Variants in MBP observed in about 807,000 individuals in gnomAD.
The protein encoded by MBP is myelin basic protein, also known as Golli-MBP.
MBP carries 16 observed loss-of-function variants against 35.8 expected under a neutral mutation model. The ratio of observed to expected loss-of-function variants is 0.45; its 90% confidence interval spans 0.30 to 0.68. MBP has a LOEUF of 0.68. Ranked by LOEUF, MBP falls within the 30% of genes least tolerant of loss-of-function variation. The probability of loss-of-function intolerance (pLI) is 0.08; values close to 1 mark genes in which losing one functional copy is unlikely to be tolerated. For missense variants in MBP, 380 were observed against 404.7 expected, an observed-to-expected ratio of 0.94 and a Z score of 0.52; for synonymous variants, 143 against 159.6, an observed-to-expected ratio of 0.90 and a Z score of 0.78.
At chr18:77,066,643 A>G in intron 2 of MBP, 2 of 685,270 alleles carry the variant, frequency 2.9e-6, no homozygotes, top group Non-Finnish European at 5.4e-6. Flanking sequence ...AAATTGGAAT[A>G]TCAGCCTAGG....
At chr18:77,066,877 G>A (rs1444233717) in intron 2 of MBP, among the ~76,000 whole-genome samples, 3 of 152,226 alleles carry the variant, frequency 2.0e-5, no homozygotes, top group Non-Finnish European at 4.4e-5. Context: ...TTGCATTCCA[G>A]GGGAGGAAGC....
chr18:77,121,551 G>A (rs892186962), intron 1 of MBP, among the ~76,000 whole-genome samples: 3 of 152,048 alleles, frequency 2.0e-5, no homozygotes, highest in African/African-American at 7.2e-5. Flanking sequence ...AAATGAATAA[G>A]GTGAGCTTCT....
intron 4 of MBP, 125 bp downstream of exon 4, chr18:77,016,707 C>G (rs755862624): frequency 6.8e-7 from 1 of 1,468,282 alleles, no homozygotes; most frequent in Non-Finnish European, 9.0e-7. Flanking sequence ...TTCTCCAGCA[C>G]GGAACGAGAC....
intron 8 of MBP, chr18:76,982,643 A>G (rs1312076790): frequency 6.6e-6 from 1 of 152,204 alleles, no homozygotes; most frequent in Non-Finnish European, 1.5e-5. Context: ...AACAGCACCA[A>G]AAAGAACAGG....
At chr18:77,090,959 G>T (rs1975495155) in intron 2 of MBP, among the ~76,000 whole-genome samples, 1 of 152,242 alleles carries the variant, frequency 6.6e-6, no homozygotes, top group Admixed American at 6.5e-5. Context: ...GGCAGGGGGA[G>T]GCAGCAGTGC....
At chr18:76,987,790 T>A (rs1969640782) in intron 7 of MBP, 1 of 1,015,910 alleles carries the variant, frequency 9.8e-7, no homozygotes, top group African/African-American at 1.7e-5. Flanking sequence ...CTAAAGTCTG[T>A]AAGTTTGGTT....
intron 4 of MBP, among the ~76,000 whole-genome samples, chr18:76,992,604 C>T (rs541331602): frequency 2.0e-5 from 3 of 152,160 alleles, no homozygotes; most frequent in African/African-American, 4.8e-5. Flanking sequence ...TGGGCCCTAA[C>T]GTGGTGAGGC....
intron 4 of MBP, among the ~76,000 whole-genome samples, chr18:77,002,145 C>T (rs528889081): frequency 2.0e-5 from 3 of 152,272 alleles, no homozygotes; most frequent in Admixed American, 1.3e-4. Flanking sequence ...GTGGAGTTGC[C>T]GCCTGGAGAC....
intron 4 of MBP, chr18:77,013,174 C>T: frequency 2.0e-6 from 2 of 985,384 alleles, no homozygotes; most frequent in Non-Finnish European, 1.2e-6. Context: ...ACAAATGCAC[C>T]CTCCACATTT....
chr18:76,981,098 G>A (rs984745449), intron 8 of MBP: 7 of 153,710 alleles, frequency 4.6e-5, no homozygotes, highest in African/African-American at 1.7e-4. Flanking sequence ...AAGAGAGTTG[G>A]CAGCTAATTG....
chr18:76,982,131 T>C (rs867958759), intron 8 of MBP: 5 of 152,294 alleles, frequency 3.3e-5, no homozygotes, highest in Non-Finnish European at 7.3e-5. Context: ...TCTTTTGTGC[T>C]CACAGCACCT....
intron 3 of MBP, among the ~76,000 whole-genome samples, chr18:77,021,137 G>A (rs1010991661): frequency 3.9e-5 from 6 of 152,198 alleles, no homozygotes; most frequent in South Asian, 2.1e-4. Context: ...AGATGAAGCC[G>A]TAGGAGCAGC....
chr18:77,122,449 C>A (rs4890897), intron 1 of MBP, among the ~76,000 whole-genome samples: 90,169 of 152,070 alleles, frequency 0.59, 26,946 homozygotes, highest in Middle Eastern at 0.67. Flanking sequence ...AGCTGGGAGA[C>A]GCTCAGGCAG....
chr18:77,023,892 C>T (rs549440600), intron 3 of MBP, among the ~76,000 whole-genome samples: 5 of 152,326 alleles, frequency 3.3e-5, no homozygotes, highest in South Asian at 4.1e-4. Context: ...ACCTCCTCTC[C>T]GAGGGCCAGG....
rs965532242 is a variant in MBP, at chr18:76,985,593, G to A, written c.751-699C>T. 132 of 1,081,328 alleles carry A rather than the reference G, an allele frequency of 1.2e-4. 1 individual carries two copies. Among genetic ancestry groups the A allele is most frequent in the Non-Finnish European group, 1.3e-4 (113 of 886,438 alleles). The allele number at this position is 1,081,328 out of a possible 1,614,324, so 67.0% of individuals were successfully genotyped here. A position where few individuals can be genotyped will look rare whatever the true frequency, so the allele number is the denominator to read the frequency against. On this transcript the variant is annotated intron_variant, in intron 7 of 8. Coordinates refer to ENST00000355994, the MANE Select transcript of MBP (RefSeq NM_001025101.2). Reference sequence around the variant, plus strand: ...AACAGGAGGCCGGGGCTGCTGAGCCGGACAGAGGGAGGAGGCAGGCCTGGC... The same window carrying A: ...AACAGGAGGCCGGGGCTGCTGAGCCAGACAGAGGGAGGAGGCAGGCCTGGC...
chr18:77,009,881 G>T (rs778909153), intron 4 of MBP: 1 of 1,594,930 alleles, frequency 6.3e-7, no homozygotes. Flanking sequence ...GGCTGGCTGC[G>T]GGCATGAGAG....
intron 2 of MBP, among the ~76,000 whole-genome samples, chr18:77,098,802 C>T (rs547682762): frequency 6.6e-6 from 1 of 152,340 alleles, no homozygotes; most frequent in East Asian, 1.9e-4. Flanking sequence ...CGGCCCTAAA[C>T]GGCCTCTGAG....
rs1977274903 is a variant in MBP, at chr18:77,131,627, T to G, written c.-26+953A>C. ...GGGGGTCCCCAAAGACGCTTGAACC[T>G]TTTCCCAAGCCCCACTCCACCTTCC... On this transcript the variant is annotated intron_variant, in intron 1 of 8. Coordinates refer to ENST00000355994, the MANE Select transcript of MBP (RefSeq NM_001025101.2). This position sits in a 1 kb window ranked among gnomAD's most constrained non-coding sequence, Gnocchi z 5.5. 1 of 151,924 alleles carries G rather than the reference T, an allele frequency of 6.6e-6. No individual in the cohort carries two copies. The highest frequency in any genetic ancestry group is 1.5e-5 in the Non-Finnish European group (1 of 68,044). 9.4% of individuals were successfully genotyped at this position (151,924 alleles called of 1,614,324 possible).
chr18:77,075,552 A>G (rs1343067178), intron 2 of MBP, among the ~76,000 whole-genome samples: 1 of 152,206 alleles, frequency 6.6e-6, no homozygotes, highest in Non-Finnish European at 1.5e-5. Context: ...TTGAGGGTGC[A>G]GCCATCTGAT....
Sources: gnomAD v4.1 joint callset for allele counts (sites outside exome capture counted in the v4.1 genomes callset) on GRCh38, gnomAD v4.1.1 for gene constraint, Gnocchi (gnomAD v3.1) non-coding constraint, MANE v1.5 for transcripts, NCBI Gene and HGNC (gene_info 2026-07-23, HGNC 2026-07-21) for gene names.